USP35: variants seen among roughly 807,000 people sequenced by gnomAD.
USP35 encodes the protein ubiquitin specific peptidase 35, also known as ubiquitin carboxyl-terminal hydrolase 35.
A neutral mutation model predicts 83.8 loss-of-function variants in USP35; 69 were observed. That is an observed-to-expected ratio of 0.82 (90% CI 0.68 to 1.01). The LOEUF (loss-of-function observed/expected upper bound fraction) is 1.01. USP35 is among the 50% of genes least tolerant of loss of function. The probability of loss-of-function intolerance (pLI) is 0.00; values close to 1 mark genes in which losing one functional copy is unlikely to be tolerated. For synonymous variants in USP35, 714 were observed against 589.5 expected (o/e 1.21, Z -3.06); for missense variants, 1,503 against 1,362.5 (o/e 1.10, Z -1.62).
intron 10 of USP35, among the ~76,000 whole-genome samples, chr11:78,213,232 G>A (rs1169636303): frequency 6.6e-6 from 1 of 150,900 alleles, no homozygotes; most frequent in Non-Finnish European, 1.5e-5. Flanking sequence ...ATGGAGGCAG[G>A]GTGGCGGGTA....
Position 78,210,013 on chromosome 11 carries a change from GAGA to G in USP35, c.2161_2163del (p.Lys721del), listed in dbSNP as rs199792525. ...GGTGGAAGAGGAAGAAGAGAAGGTG[GAGA>G]AGGAGACAGAAAAGGAGGCTGAGCA... On this transcript the variant is annotated inframe_deletion, in exon 10 of 11. Transcript: ENST00000529308. 1.5e-3 allele frequency: 2,363 copies of G among 1,613,696 alleles called. 30 individuals are homozygous for G. The African/African-American group carries it at 0.028, about 19-fold the overall frequency.
chr11:78,193,367 AT>A (rs796844904), intron 1 of USP35, among the ~76,000 whole-genome samples: 5,391 of 131,714 alleles, frequency 0.041, 226 homozygotes, highest in African/African-American at 0.14. Context: ...AATTGATGTA[AT>A]TTTTTTTTTT....
chr11:78,221,616 C>G, the USP35 span: 1 of 986,510 alleles, frequency 1.0e-6, no homozygotes, highest in Non-Finnish European at 1.6e-6. Context: ...AAGTGGGGAA[C>G]TGAGGGGTGG....
Position 78,196,535 on chromosome 11 carries a change from G to C in USP35, c.290G>C (p.Gly97Ala). The change falls in exon 2 of 11, where the codon GGC (glycine) becomes GCC (alanine). Residue 97 changes from glycine (G) to alanine (A), a missense_variant. By Grantham distance (60) the Gly-to-Ala change is moderately conservative. Coordinates refer to ENST00000529308, the MANE Select transcript of USP35 (RefSeq NM_020798.4). The surrounding 1 kb of genome is among the most constrained non-coding windows in gnomAD (Gnocchi z 4.8). ...RLLQGGAGPPGPRALACVQLG... is the reference protein window; with the variant it reads ...RLLQGGAGPPAPRALACVQLG... ...CTGCAGGGTGGCGCCGGCCCCCCGG[G>C]CCCCCGCGCGCTCGCCTGCGTGCAG... 1 of 1,223,364 alleles carries C rather than the reference G, an allele frequency of 8.2e-7. No individual in the cohort carries two copies. The allele number at this position is 1,223,364 out of a possible 1,614,324, so 75.8% of individuals were successfully genotyped here. A position where few individuals can be genotyped will look rare whatever the true frequency, so the allele number is the denominator to read the frequency against.
chr11:78,230,429 T>C, the USP35 span, among the ~76,000 whole-genome samples: 1 of 152,262 alleles, frequency 6.6e-6, no homozygotes, highest in African/African-American at 2.4e-5. Flanking sequence ...ACAAGAAGCC[T>C]TTTCACTCTA....
At chr11:78,204,169 C>G (rs1351322905) in intron 6 of USP35, among the ~76,000 whole-genome samples, 1 of 152,144 alleles carries the variant, frequency 6.6e-6, no homozygotes, top group African/African-American at 2.4e-5. Flanking sequence ...GGATTACAGG[C>G]GTGAGCCACC....
downstream of USP35, chr11:78,215,645 C>G (rs117589034): frequency 6.6e-6 from 1 of 152,390 alleles, no homozygotes; most frequent in East Asian, 1.9e-4. Context: ...ACACAAGTAG[C>G]CAACAAATAC....
At chr11:78,219,249 T>C, downstream of USP35, 1 of 1,610,914 alleles carries the variant, frequency 6.2e-7, no homozygotes, top group Non-Finnish European at 8.5e-7. Flanking sequence ...TGCTGCCTCC[T>C]GGGCTCTGCG....
Position 78,208,984 on chromosome 11 carries a change from C to A in USP35, c.1592+21C>A, listed in dbSNP as rs377248581. 356 of 1,611,370 alleles carry A rather than the reference C, an allele frequency of 2.2e-4. No homozygotes were observed. The African/African-American group carries it at 4.3e-3, about 19-fold the overall frequency. On this transcript the variant is annotated intron_variant, in intron 9 of 10. Coordinates refer to ENST00000529308, the MANE Select transcript of USP35 (RefSeq NM_020798.4). Reference sequence around the variant, plus strand: ...GATCGGTAAGGGGGCCAGGGCTACGCGAAGACTCCAGGTCTAGAGGGTCCT... The same window carrying A: ...GATCGGTAAGGGGGCCAGGGCTACGAGAAGACTCCAGGTCTAGAGGGTCCT...
chr11:78,208,424 T>C (rs1863603698), intron 8 of USP35, among the ~76,000 whole-genome samples: 1 of 152,278 alleles, frequency 6.6e-6, no homozygotes, highest in South Asian at 2.1e-4. Context: ...GGCCAGGGAT[T>C]ATGCAAAGCT....
the USP35 span, among the ~76,000 whole-genome samples, chr11:78,230,749 A>G: frequency 6.6e-6 from 1 of 152,262 alleles, no homozygotes; most frequent in Non-Finnish European, 1.5e-5. Flanking sequence ...ACATACTCAG[A>G]GGGCAGGGAA....
chr11:78,209,012 G>A, intron 9 of USP35, 49 bp downstream of exon 9: 4 of 1,580,408 alleles, frequency 2.5e-6, no homozygotes, highest in Non-Finnish European at 3.5e-6. Context: ...AGGGTCCTTG[G>A]GGGCAAGCCC....
chr11:78,220,305 T>A, the USP35 span: 1 of 1,611,848 alleles, frequency 6.2e-7, no homozygotes, highest in Non-Finnish European at 8.5e-7. Context: ...CCCCCCCAAC[T>A]CTACTCCAGG....
In USP35 at chr11:78,210,284, G is replaced by A. The variant is rs1338837992; in HGVS notation, c.2429G>A (p.Arg810His). 17 of 1,613,972 alleles carry A rather than the reference G, an allele frequency of 1.1e-5. No homozygotes were observed. The highest frequency in any genetic ancestry group is 2.2e-5 in the East Asian group (1 of 44,894). Residue 810 changes from arginine to histidine, a missense_variant, in exon 10 of 11, where the codon CGC becomes CAC. Arg to His is a conservative substitution (Grantham distance 29). Transcript: ENST00000529308. ...TGCTACCTCATCCTCACACTGCTGC[G>A]CTTCTCTTTCGACCTGCGCACCATG... The part of the protein sequence containing the change: ...GPCYLILTLL[R>H]FSFDLRTMRR...
At chr11:78,231,339 GTGT>G in the USP35 span, among the ~76,000 whole-genome samples, 457 of 149,398 alleles carry the variant, frequency 3.1e-3, 3 homozygotes, top group African/African-American at 0.011. Flanking sequence ...CGTGTGTGGT[GTGT>G]GTGTGTGTGT....
At position 78,209,934 on chromosome 11, in the gene USP35, G is replaced by A. The variant is rs548301072; in HGVS notation, c.2079G>A (p.Val693=). 6.3e-5 allele frequency: 101 copies of A among 1,605,212 alleles called. No homozygotes were observed. Among genetic ancestry groups the A allele is most frequent in the Non-Finnish European group, 7.6e-5 (89 of 1,175,590 alleles). The change falls in exon 10 of 11, where the codon GTG becomes GTA. Residue 693 remains valine, a synonymous_variant. Transcript: ENST00000529308. ...GKEERTEKEE[V]GEEEESTRGE... is the part of the protein sequence containing the mutation. ...AGGAGAGAACGGAGAAGGAAGAAGT[G>A]GGGGAGGAGGAGGAAAGCACCAGAG...
chr11:78,212,802 AAT>A (rs1434429072), intron 10 of USP35, among the ~76,000 whole-genome samples: 1 of 152,182 alleles, frequency 6.6e-6, no homozygotes, highest in Non-Finnish European at 1.5e-5. Flanking sequence ...GGGATGAGAT[AAT>A]GACATGATTC....
At chr11:78,192,378 C>T (rs1248156744) in intron 1 of USP35, among the ~76,000 whole-genome samples, 2 of 152,254 alleles carry the variant, frequency 1.3e-5, no homozygotes, top group African/African-American at 4.8e-5. Flanking sequence ...TCCTGCTTTG[C>T]CAAGGCCATG....
At position 78,209,547 on chromosome 11, in the gene USP35, C is replaced by G; in HGVS notation, c.1692C>G (p.Thr564=). 1.2e-6 allele frequency: 2 copies of G among 1,614,158 alleles called. No individual in the cohort carries two copies. The highest frequency in any genetic ancestry group is 1.7e-6 in the Non-Finnish European group (2 of 1,180,010). Residue 564 remains threonine, a synonymous_variant, in exon 10 of 11, where the codon ACC becomes ACG. Coordinates refer to ENST00000529308, the MANE Select transcript of USP35 (RefSeq NM_020798.4). ...AGGAGCCCCCGGCCCCAAGTTCAAC[C>G]TCTGTGGAAAAAATGTTTGGAGGCA... ...PPEEPPAPSS[T]SVEKMFGGKI...
Sources: allele counts gnomAD v4.1 joint callset (sites outside exome capture counted in the v4.1 genomes callset), GRCh38; gene constraint gnomAD v4.1.1; non-coding constraint Gnocchi (gnomAD v3.1); transcripts MANE v1.5; gene names NCBI Gene and HGNC (gene_info 2026-07-23, HGNC 2026-07-21).